Variants in NLGN1 observed in about 807,000 individuals in gnomAD.
The protein encoded by NLGN1 is neuroligin-1.
NLGN1 carries 12 observed loss-of-function variants against 65.5 expected under a neutral mutation model. The observed-to-expected ratio is 0.18, with a 90% confidence interval of 0.12 to 0.30. NLGN1 has a LOEUF of 0.30. Among genes scored for constraint, NLGN1 ranks in the 10% least tolerant of loss-of-function variants. The pLI, the probability that NLGN1 is intolerant of heterozygous loss-of-function variation, is 1.00. For synonymous variants in NLGN1, 350 were observed against 359.5 expected (o/e 0.97, Z 0.30); for missense variants, 750 against 1,007.1 (o/e 0.74, Z 3.46).
chr3:174,145,437 C>T (rs1455662223), intron 4 of NLGN1, among the ~76,000 whole-genome samples: 4 of 151,792 alleles, frequency 2.6e-5, no homozygotes, highest in Admixed American at 6.6e-5. Flanking sequence ...TGCTTGAATC[C>T]GGGAAGCAGG....
chr3:174,212,254 C>T (rs1032638252), intron 4 of NLGN1, among the ~76,000 whole-genome samples: 4 of 152,198 alleles, frequency 2.6e-5, no homozygotes, highest in Admixed American at 6.5e-5. Context: ...CAGGGCTGGC[C>T]GGCTGCTCTG....
intron 4 of NLGN1, among the ~76,000 whole-genome samples, chr3:174,245,976 T>C (rs544951254): frequency 6.6e-6 from 1 of 152,342 alleles, no homozygotes; most frequent in Admixed American, 6.5e-5. Context: ...GTCAATTTGA[T>C]TCAATGTACG....
rs539513150 is a variant in NLGN1 at position 173,728,234 on chromosome 3, G to A, written c.494-79446G>A. On this transcript the variant is annotated intron_variant, in intron 3 of 6. Coordinates refer to ENST00000457714, the Ensembl canonical transcript of NLGN1. ...AAATGACTAGACTTAGTGACAAGATGTAAGTGACAAATGAATAAGACGTGG... is the reference window on the plus strand; with the variant it reads ...AAATGACTAGACTTAGTGACAAGATATAAGTGACAAATGAATAAGACGTGG... 4.6e-5 allele frequency among the ~76,000 whole-genome samples: 7 copies of A among 152,148 alleles called. No individual in the cohort carries two copies. In the South Asian group the frequency reaches 8.3e-4, roughly 18 times the overall value.
chr3:173,608,741 C>G (rs1036314984), intron 3 of NLGN1, among the ~76,000 whole-genome samples: 6 of 151,834 alleles, frequency 4.0e-5, no homozygotes, highest in African/African-American at 1.4e-4. Flanking sequence ...CATCCTTCCT[C>G]TCTCTCTTTT....
intron 4 of NLGN1, among the ~76,000 whole-genome samples, chr3:174,081,035 G>A (rs557455229): frequency 2.6e-5 from 4 of 151,758 alleles, no homozygotes; most frequent in South Asian, 4.2e-4. Context: ...AAAATTAAAC[G>A]TGAGAAATCT....
chr3:173,937,578 TAGAC>T (rs1035416464), intron 4 of NLGN1, among the ~76,000 whole-genome samples: 4 of 152,140 alleles, frequency 2.6e-5, no homozygotes, highest in Admixed American at 6.6e-5. Context: ...TGGAAAACAT[TAGAC>T]AGGACTTGTA....
chr3:173,882,288 G>T (rs904732952), intron 4 of NLGN1, among the ~76,000 whole-genome samples: 2 of 152,164 alleles, frequency 1.3e-5, no homozygotes, highest in African/African-American at 4.8e-5. Context: ...AATTTTTGGA[G>T]TGGGAATTGG....
At chr3:173,439,165 G>T (rs1456276154) in intron 2 of NLGN1, among the ~76,000 whole-genome samples, 1 of 152,150 alleles carries the variant, frequency 6.6e-6, no homozygotes, top group Non-Finnish European at 1.5e-5. Context: ...CACAAGGGAA[G>T]AATTTTTTCC....
intron 3 of NLGN1, among the ~76,000 whole-genome samples, chr3:173,764,841 A>G (rs1778511397): frequency 1.3e-5 from 2 of 152,196 alleles, no homozygotes; most frequent in South Asian, 4.1e-4. Context: ...TCATTTTTCT[A>G]GAATAAATGA....
chr3:173,967,540 CTATCCTGTAACCTCTCTT>C (rs1477453178), intron 4 of NLGN1, among the ~76,000 whole-genome samples: 1 of 152,188 alleles, frequency 6.6e-6, no homozygotes, highest in African/African-American at 2.4e-5. Flanking sequence ...TTACGCCAAA[CTATCCTGTAACCTCTCTT>C]TATATTTTCA....
chr3:174,012,787 T>A (rs1199106456), intron 4 of NLGN1, among the ~76,000 whole-genome samples: 1 of 152,202 alleles, frequency 6.6e-6, no homozygotes, highest in Non-Finnish European at 1.5e-5. Flanking sequence ...ATTCTCCTTG[T>A]CATATATATA....
intron 1 of NLGN1, among the ~76,000 whole-genome samples, chr3:173,410,659 GGTGA>G (rs1207676675): frequency 6.6e-6 from 1 of 152,090 alleles, no homozygotes; most frequent in Non-Finnish European, 1.5e-5. Context: ...GCTTGCTAGG[GGTGA>G]GTATTTAATA....
chr3:173,582,930 G>A (rs2149368075), intron 2 of NLGN1, among the ~76,000 whole-genome samples: 1 of 152,152 alleles, frequency 6.6e-6, no homozygotes, highest in East Asian at 1.9e-4. Flanking sequence ...ACATACATGT[G>A]AAGTTGCAAT....
At chr3:173,764,062 GCATGAT>G (rs1447451437) in intron 3 of NLGN1, among the ~76,000 whole-genome samples, 1 of 152,050 alleles carries the variant, frequency 6.6e-6, no homozygotes, top group African/African-American at 2.4e-5. Flanking sequence ...TTTTCTCTGG[GCATGAT>G]CACTCTTTGA....
At chr3:173,886,198 A>C (rs1273020656) in intron 4 of NLGN1, among the ~76,000 whole-genome samples, 1 of 152,116 alleles carries the variant, frequency 6.6e-6, no homozygotes, top group African/African-American at 2.4e-5. Context: ...TAAAACAGGG[A>C]AAACAGTATA....
At chr3:173,533,433 A>G (rs1736915353) in intron 2 of NLGN1, among the ~76,000 whole-genome samples, 1 of 152,182 alleles carries the variant, frequency 6.6e-6, no homozygotes, top group South Asian at 2.1e-4. Context: ...TGAGTTATTT[A>G]TTACCCCATG....
At chr3:173,936,648 G>A (rs938651136) in intron 4 of NLGN1, among the ~76,000 whole-genome samples, 4 of 152,016 alleles carry the variant, frequency 2.6e-5, no homozygotes, top group African/African-American at 7.2e-5. Flanking sequence ...ACTTGCATAA[G>A]CATTCATTAA....
chr3:174,278,814 A>G (rs375726371), intron 5 of NLGN1, 47 bp from the exon 6 acceptor site: 346 of 1,391,192 alleles, frequency 2.5e-4, no homozygotes, highest in Admixed American at 7.6e-4. Context: ...GTTTTACCAC[A>G]ACATTACCCA....
intron 3 of NLGN1, among the ~76,000 whole-genome samples, chr3:173,783,203 G>A (rs902796490): frequency 6.6e-6 from 1 of 152,088 alleles, no homozygotes; most frequent in Non-Finnish European, 1.5e-5. Flanking sequence ...GGTTTTTATT[G>A]TTTGGATTTC....
Sources: allele counts gnomAD v4.1 joint callset (sites outside exome capture counted in the v4.1 genomes callset), GRCh38; gene constraint gnomAD v4.1.1; transcripts MANE v1.5; gene names NCBI Gene and HGNC (gene_info 2026-07-23, HGNC 2026-07-21).